The following UBE2L3 variants were observed in gnomAD, a reference collection of about 807,000 sequenced individuals.
UBE2L3 encodes ubiquitin conjugating enzyme E2 L3.
In UBE2L3, 1 loss-of-function variant was observed where a neutral mutation model predicts 17.8. The observed-to-expected ratio is 0.06, with a 90% CI of 0.02 to 0.27. The LOEUF (loss-of-function observed/expected upper bound fraction) is 0.27. Among genes scored for constraint, UBE2L3 ranks in the 10% least tolerant of loss-of-function variants. The probability of loss-of-function intolerance (pLI) is 1.00; values close to 1 mark genes in which losing one functional copy is unlikely to be tolerated. For missense variants in UBE2L3, 40 were observed against 192.6 expected, an observed-to-expected ratio of 0.21 and a Z score of 4.69; for synonymous variants, 44 against 68.5, an observed-to-expected ratio of 0.64 and a Z score of 1.76.
In UBE2L3 at chr22:21,556,881, C is replaced by T. The variant is rs567236306; in HGVS notation, c.201+7231C>T. Among the ~76,000 whole-genome samples, 4 of 152,380 alleles carry T rather than the reference C, an allele frequency of 2.6e-5. No individual in the cohort carries two copies. The South Asian group carries it at 8.3e-4, about 32-fold the overall frequency. ...CCAGCCTGGCCAATATGGTGAAACC[C>T]TGTCTCTACTAAAAATACAAAAATT... On this transcript the variant is annotated intron_variant, in intron 1 of 3. Transcript: ENST00000458578.
At chr22:21,609,967 G>A (rs1417248218) in intron 2 of UBE2L3, among the ~76,000 whole-genome samples, 4 of 152,002 alleles carry the variant, frequency 2.6e-5, no homozygotes, top group Admixed American at 6.6e-5. Context: ...CGGAGGTTGC[G>A]GTGAGCCAAG....
At chr22:21,569,388 T>A (rs1292211401) in intron 1 of UBE2L3, among the ~76,000 whole-genome samples, 2 of 112,812 alleles carry the variant, frequency 1.8e-5, no homozygotes, top group Non-Finnish European at 3.4e-5. Context: ...AGAGTGAGAC[T>A]CCATGTCAAA....
At chr22:21,606,064 C>G (rs963028637) in intron 2 of UBE2L3, among the ~76,000 whole-genome samples, 4 of 152,222 alleles carry the variant, frequency 2.6e-5, no homozygotes, top group East Asian at 3.8e-4. Flanking sequence ...GCTGTTGCTA[C>G]TCCCATTTTA....
intron 1 of UBE2L3, among the ~76,000 whole-genome samples, chr22:21,555,959 G>C (rs1355469410): frequency 1.3e-5 from 2 of 152,182 alleles, no homozygotes; most frequent in Non-Finnish European, 2.9e-5. Context: ...TTGTGGCCCA[G>C]AATGGTGTCT....
At chr22:21,580,527 G>T (rs370363289) in intron 1 of UBE2L3, among the ~76,000 whole-genome samples, 127 of 146,510 alleles carry the variant, frequency 8.7e-4, no homozygotes, top group African/African-American at 3.2e-3. Flanking sequence ...TCGGCTTACT[G>T]CAGCCTCTGC....
At chr22:21,595,124 G>A (rs1195732671) in intron 2 of UBE2L3, among the ~76,000 whole-genome samples, 1 of 152,228 alleles carries the variant, frequency 6.6e-6, no homozygotes, top group African/African-American at 2.4e-5. Flanking sequence ...TAGAATCCAA[G>A]TGTGCTTGGG....
chr22:21,572,667 A>C (rs1162685433), intron 1 of UBE2L3, among the ~76,000 whole-genome samples: 1 of 151,730 alleles, frequency 6.6e-6, no homozygotes, highest in African/African-American at 2.4e-5. Flanking sequence ...CTGCACACAC[A>C]CTGCACACAC....
At chr22:21,604,008 C>G (rs965221149) in intron 2 of UBE2L3, among the ~76,000 whole-genome samples, 2 of 148,118 alleles carry the variant, frequency 1.4e-5, no homozygotes, top group Non-Finnish European at 3.0e-5. Flanking sequence ...AACTCCTGGG[C>G]TTAAGCAATC....
chr22:21,621,602 G>T lies in UBE2L3; in HGVS notation c.398G>T (p.Arg133Leu). The T allele has an allele frequency of 6.2e-7, 1 of 1,610,208 alleles. No individual in the cohort carries two copies. Among genetic ancestry groups the T allele is most frequent in the Non-Finnish European group, 8.5e-7 (1 of 1,179,314 alleles). The stretch of plus-strand genomic sequence containing the variant: ...CTAGCTGAAGAATACTCTAAGGACC[G>T]TAAAAAATTCTGTAAGAATGCTGAA... ...ADLAEEYSKD[R>L]KKFCKNAEEF... is the part of the protein sequence containing the mutation. The change falls in exon 4 of 4, where the codon CGT becomes CTT. Residue 133 changes from arginine (R) to leucine (L), a missense_variant. Physicochemically the swap from Arg to Leu is moderately radical, Grantham distance 102. Transcript: ENST00000342192.
Position 21,567,719 on chromosome 22 carries a change from G to A in UBE2L3, c.-26G>A. The A allele has an allele frequency of 6.3e-7, 1 of 1,576,746 alleles. No individual in the cohort carries two copies. The highest frequency in any genetic ancestry group is 8.6e-7 in the Non-Finnish European group (1 of 1,162,606). On this transcript the variant is annotated 5_prime_UTR_variant, in exon 1 of 4. Coordinates refer to ENST00000342192, the MANE Select transcript of UBE2L3 (RefSeq NM_003347.4). Reference sequence around the variant, plus strand: ...CGCCCGGCCGGCCGCGATGCATTCTGGGGAAGGAGCAGCACCAAATCCAAG... The same window carrying A: ...CGCCCGGCCGGCCGCGATGCATTCTAGGGAAGGAGCAGCACCAAATCCAAG...
intron 2 of UBE2L3, among the ~76,000 whole-genome samples, chr22:21,605,788 G>T (rs1284413999): frequency 1.3e-5 from 2 of 152,216 alleles, no homozygotes; most frequent in African/African-American, 4.8e-5. Context: ...TTACAGGCAT[G>T]AGCCACTGCG....
At chr22:21,612,652 T>TC (rs1929555638) in intron 3 of UBE2L3, among the ~76,000 whole-genome samples, 1 of 109,308 alleles carries the variant, frequency 9.1e-6, no homozygotes, top group Non-Finnish European at 1.8e-5. Flanking sequence ...TCTTTTTTTT[T>TC]TTTTTTTTTT....
At chr22:21,605,559 G>A (rs1929115663) in intron 2 of UBE2L3, among the ~76,000 whole-genome samples, 1 of 152,046 alleles carries the variant, frequency 6.6e-6, no homozygotes, top group African/African-American at 2.4e-5. Context: ...AGGCTGGAGT[G>A]CAATGGCACA....
At chr22:21,614,908 C>G (rs528380098) in intron 3 of UBE2L3, among the ~76,000 whole-genome samples, 1 of 152,040 alleles carries the variant, frequency 6.6e-6, no homozygotes, top group African/African-American at 2.4e-5. Flanking sequence ...AATCCCAGCA[C>G]TTTGGGAGGC....
chr22:21,594,363 A>G (rs1928414343), intron 2 of UBE2L3, among the ~76,000 whole-genome samples: 1 of 151,702 alleles, frequency 6.6e-6, no homozygotes, highest in Non-Finnish European at 1.5e-5. Context: ...TTCTCCCTGT[A>G]GATGCTTTCT....
chr22:21,583,055 T>C (rs1927733750), intron 1 of UBE2L3, among the ~76,000 whole-genome samples: 1 of 152,202 alleles, frequency 6.6e-6, no homozygotes, highest in Non-Finnish European at 1.5e-5. Flanking sequence ...CCATGCACCC[T>C]GGCTGAAAGT....
At chr22:21,552,983 C>T (rs993819580) in intron 1 of UBE2L3, among the ~76,000 whole-genome samples, 1 of 50,322 alleles carries the variant, frequency 2.0e-5, no homozygotes, top group African/African-American at 1.4e-4. Context: ...GCCTCGGCCT[C>T]ACAAAGTGCT....
At position 21,575,503 on chromosome 22, in the gene UBE2L3, C is replaced by T. The variant is rs539623670; in HGVS notation, c.27+7732C>T. 4.5e-4 allele frequency among the ~76,000 whole-genome samples: 66 copies of T among 145,372 alleles called. No individual in the cohort carries two copies. The South Asian group carries it at 0.012, about 26-fold the overall frequency. On this transcript the variant is annotated intron_variant, in intron 1 of 3. Coordinates refer to ENST00000342192, the MANE Select transcript of UBE2L3 (RefSeq NM_003347.4). ...ACTCTGGAGGCTGAGGCAGGAGAAT[C>T]GCTTGAATCCGGGAGGCGGAGGTTG...
chr22:21,618,852 A>G (rs1929912257), intron 3 of UBE2L3, among the ~76,000 whole-genome samples: 1 of 152,132 alleles, frequency 6.6e-6, no homozygotes, highest in African/African-American at 2.4e-5. Context: ...TTGGCCTCCC[A>G]AAGTGCTGGG....
Sources: allele counts gnomAD v4.1 joint callset (sites outside exome capture counted in the v4.1 genomes callset), GRCh38; gene constraint gnomAD v4.1.1; transcripts MANE v1.5; gene names NCBI Gene and HGNC (gene_info 2026-07-23, HGNC 2026-07-21).